CHN1: variants seen among roughly 807,000 people sequenced by gnomAD.
The protein encoded by CHN1 is chimerin 1.
In CHN1, 37 loss-of-function variants were observed where a neutral mutation model predicts 59.5. The ratio of observed to expected loss-of-function variants is 0.62; its 90% confidence interval spans 0.48 to 0.82. The LOEUF (loss-of-function observed/expected upper bound fraction) is 0.82. CHN1 is among the 40% of genes least tolerant of loss of function. The probability of loss-of-function intolerance (pLI) is 0.00; values close to 1 mark genes in which losing one functional copy is unlikely to be tolerated. For synonymous variants in CHN1, 206 were observed against 200.4 expected, an observed-to-expected ratio of 1.03 and a Z score of -0.24; for missense variants, 469 against 571.0, an observed-to-expected ratio of 0.82 and a Z score of 1.82.
chr2:174,897,423 T>TTGTGTG (rs373042316), intron 5 of CHN1, among the ~76,000 whole-genome samples: 2 of 148,086 alleles, frequency 1.4e-5, no homozygotes, highest in Non-Finnish European at 3.0e-5. Flanking sequence ...CTCTGTGTGC[T>TTGTGTG]TGTGTGTGTG....
At chr2:174,927,047 T>C (rs2359320) in intron 3 of CHN1, among the ~76,000 whole-genome samples, 74,419 of 151,874 alleles carry the variant, frequency 0.49, 19,468 homozygotes, top group African/African-American at 0.67. Flanking sequence ...CGTGAGCCAC[T>C]GCGCCCGGCC....
intron 1 of CHN1, among the ~76,000 whole-genome samples, chr2:175,002,449 CTATAA>C (rs1251855172): frequency 3.9e-5 from 6 of 152,110 alleles, no homozygotes; most frequent in Non-Finnish European, 8.8e-5. Flanking sequence ...ATTCGAGTTC[CTATAA>C]TATACTTAAC....
In CHN1 at chr2:174,800,138, T is replaced by C. The variant is rs1381863202; in HGVS notation, c.1358A>G (p.Lys453Arg). The C allele has an allele frequency of 6.4e-7, 1 of 1,573,134 alleles. No homozygotes were observed. Among genetic ancestry groups the C allele is most frequent in the Admixed American group, 1.9e-5 (1 of 54,030 alleles). The change falls in exon 13 of 13, where the codon AAA becomes AGA. Residue 453 changes from lysine (K) to arginine (R), a missense_variant. Lys to Arg is a conservative substitution (Grantham distance 26, BLOSUM62 2). This residue lies in a region of CHN1 where 225 missense variants were observed against 289.9 expected (regional missense o/e 0.78). Transcript: ENST00000409900. ...YQRLVVELLI[K>R]NEDILF ...AATTTAAAATAAAATGTCTTCGTTT[T>C]TGATAAGCAGCTCCACCACCAGTCT...
At chr2:174,830,887 A>C (rs1685858337) in intron 7 of CHN1, among the ~76,000 whole-genome samples, 1 of 152,234 alleles carries the variant, frequency 6.6e-6, no homozygotes. Context: ...GCACCGCTTC[A>C]AAGAGAATGA....
At chr2:174,983,069 G>A (rs1691211290) in intron 1 of CHN1, among the ~76,000 whole-genome samples, 1 of 152,072 alleles carries the variant, frequency 6.6e-6, no homozygotes, top group South Asian at 2.1e-4. Context: ...ATAAACTCTG[G>A]GGAGGCAGAA....
chr2:174,944,335 C>A (rs374420033), intron 3 of CHN1, among the ~76,000 whole-genome samples: 5 of 152,172 alleles, frequency 3.3e-5, no homozygotes, highest in African/African-American at 1.2e-4. Flanking sequence ...TGTTTCCTCA[C>A]AGGCTTGCCA....
intron 1 of CHN1, among the ~76,000 whole-genome samples, chr2:174,980,688 A>G (rs1015866002): frequency 2.0e-5 from 3 of 152,298 alleles, no homozygotes; most frequent in South Asian, 4.1e-4. Context: ...CCAATCAGTA[A>G]TAATTAGCAG....
chr2:174,961,166 G>GAC (rs1690390027), intron 1 of CHN1, among the ~76,000 whole-genome samples: 1 of 124,250 alleles, frequency 8.0e-6, no homozygotes. Flanking sequence ...AGGCAGGGAG[G>GAC]GAAGGAATGG....
intron 1 of CHN1, among the ~76,000 whole-genome samples, chr2:174,956,301 G>A (rs1358610109): frequency 3.3e-5 from 5 of 151,990 alleles, no homozygotes; most frequent in Non-Finnish European, 7.4e-5. Flanking sequence ...CAACAAATGA[G>A]AGAACTCAAC....
intron 3 of CHN1, among the ~76,000 whole-genome samples, chr2:174,927,925 A>C (rs1689224196): frequency 6.6e-6 from 1 of 152,192 alleles, no homozygotes; most frequent in Non-Finnish European, 1.5e-5. Flanking sequence ...CTTTTTTTTC[A>C]GGTAACAGTC....
chr2:174,916,957 C>T (rs755133319), intron 4 of CHN1, among the ~76,000 whole-genome samples: 45 of 152,072 alleles, frequency 3.0e-4, no homozygotes, highest in Admixed American at 9.2e-4. Flanking sequence ...TTTGGAAAGC[C>T]GAGGTGGGTG....
chr2:174,810,441 C>A (rs899227211), intron 10 of CHN1, among the ~76,000 whole-genome samples: 1 of 152,134 alleles, frequency 6.6e-6, no homozygotes, highest in Non-Finnish European at 1.5e-5. Context: ...GAAACTGTGT[C>A]ATTTCTTTGC....
At chr2:174,817,554 C>T (rs1685313904) in intron 8 of CHN1, among the ~76,000 whole-genome samples, 2 of 151,652 alleles carry the variant, frequency 1.3e-5, no homozygotes, top group African/African-American at 4.8e-5. Context: ...ACCTCTGCCT[C>T]CCAGTTCAAG....
At chr2:174,812,796 A>T (rs935874) in intron 8 of CHN1, among the ~76,000 whole-genome samples, 152,167 of 152,296 alleles carry the variant, frequency 1, 76,019 homozygotes, top group Middle Eastern at 1. Flanking sequence ...AAATAGCCAA[A>T]AAAAAAACCC....
At chr2:174,882,015 G>A (rs188678332) in intron 5 of CHN1, among the ~76,000 whole-genome samples, 2 of 152,256 alleles carry the variant, frequency 1.3e-5, no homozygotes, top group Admixed American at 6.5e-5. Context: ...AACTGTTGAG[G>A]CTAAATCATT....
intron 1 of CHN1, among the ~76,000 whole-genome samples, chr2:174,956,957 T>A (rs1690226241): frequency 6.6e-6 from 1 of 152,196 alleles, no homozygotes; most frequent in South Asian, 2.1e-4. Context: ...GTTAGGTTCC[T>A]GTGTGCCTCT....
chr2:174,902,708 C>G (rs969299608), intron 5 of CHN1, among the ~76,000 whole-genome samples: 1 of 152,186 alleles, frequency 6.6e-6, no homozygotes, highest in Non-Finnish European at 1.5e-5. Context: ...AAAGAACACA[C>G]AGTACATTAC....
At chr2:174,975,110 C>T (rs957679049) in intron 1 of CHN1, among the ~76,000 whole-genome samples, 53 of 152,162 alleles carry the variant, frequency 3.5e-4, no homozygotes, top group African/African-American at 1.2e-3. Flanking sequence ...ATTAACTTCA[C>T]TATTTTATTC....
intron 1 of CHN1, among the ~76,000 whole-genome samples, chr2:174,966,085 C>T (rs1690580479): frequency 6.6e-6 from 1 of 152,106 alleles, no homozygotes; most frequent in South Asian, 2.1e-4. Context: ...AACTTCTTTC[C>T]TAGAAGATGC....
Sources: allele counts gnomAD v4.1 joint callset (sites outside exome capture counted in the v4.1 genomes callset), GRCh38; gene constraint gnomAD v4.1.1; regional missense constraint gnomAD v4.1.1; transcripts MANE v1.5; gene names NCBI Gene and HGNC (gene_info 2026-07-23, HGNC 2026-07-21).